GABBR2: variants seen among roughly 807,000 people sequenced by gnomAD.
The protein encoded by GABBR2 is gamma-aminobutyric acid type B receptor subunit 2.
A neutral mutation model predicts 105.6 loss-of-function variants in GABBR2; 23 were observed. That is an observed-to-expected ratio of 0.22 (90% CI 0.16 to 0.31). The LOEUF is 0.31. Ranked by LOEUF, GABBR2 falls within the 10% of genes least tolerant of loss-of-function variation. The pLI, the probability that GABBR2 is intolerant of heterozygous loss-of-function variation, is 1.00. For synonymous variants in GABBR2, 478 were observed against 499.7 expected, an observed-to-expected ratio of 0.96 and a Z score of 0.58; for missense variants, 734 against 1,245.5, an observed-to-expected ratio of 0.59 and a Z score of 6.18.
intron 7 of GABBR2, among the ~76,000 whole-genome samples, chr9:98,425,974 C>T (rs752183724): frequency 6.6e-6 from 1 of 152,024 alleles, no homozygotes. Flanking sequence ...TAGAAATGCA[C>T]GTAGTATGTA....
chr9:98,393,664 G>T (rs1832235405), intron 9 of GABBR2, among the ~76,000 whole-genome samples: 1 of 152,260 alleles, frequency 6.6e-6, no homozygotes, highest in South Asian at 2.1e-4. Context: ...AGTGACAGTG[G>T]CCATAAGAGA....
At chr9:98,566,826 A>C in intron 2 of GABBR2, among the ~76,000 whole-genome samples, 1 of 143,860 alleles carries the variant, frequency 7.0e-6, no homozygotes, top group South Asian at 2.2e-4. Flanking sequence ...AAAAAAGGCG[A>C]CAAAGAAAAA....
chr9:98,498,859 C>A (rs570287472), intron 3 of GABBR2, among the ~76,000 whole-genome samples: 1 of 152,216 alleles, frequency 6.6e-6, no homozygotes, highest in Non-Finnish European at 1.5e-5. Flanking sequence ...TTGAGCAGCA[C>A]GAGGTGTTGT....
intron 7 of GABBR2, among the ~76,000 whole-genome samples, chr9:98,413,882 G>A (rs899674058): frequency 3.9e-5 from 6 of 152,204 alleles, no homozygotes; most frequent in African/African-American, 1.4e-4. Flanking sequence ...AGAGAGTCAG[G>A]CTTATTTAGA....
chr9:98,648,973 T>C (rs997096278), intron 1 of GABBR2, among the ~76,000 whole-genome samples: 1 of 152,234 alleles, frequency 6.6e-6, no homozygotes, highest in Non-Finnish European at 1.5e-5. Flanking sequence ...TGATTCTTTT[T>C]AAATGGGTCA....
At chr9:98,497,261 T>C (rs1827299714) in intron 3 of GABBR2, among the ~76,000 whole-genome samples, 2 of 152,212 alleles carry the variant, frequency 1.3e-5, no homozygotes, top group South Asian at 4.1e-4. Context: ...AACAAGACCT[T>C]GTCTCAACAG....
intron 1 of GABBR2, among the ~76,000 whole-genome samples, chr9:98,670,215 A>G (rs7869915): frequency 0.81 from 123,427 of 151,890 alleles, 50,252 homozygotes; most frequent in Middle Eastern, 0.91. Context: ...ACTTTCTAGT[A>G]TATTCACACA....
chr9:98,406,111 T>C lies in GABBR2; in HGVS notation c.1267A>G (p.Met423Val), dbSNP rs1213678125. 6.3e-7 allele frequency: 1 copy of C among 1,585,102 alleles called. No individual in the cohort carries two copies. ...AATTGAGTAAATTTAATGGTCCCCA[T>C]TCTCTCCCCATTCCGGAATACAACT... ...GQVVFRNGER[M>V]GTIKFTQFQD... Residue 423 changes from methionine (M) to valine (V), a missense_variant, in exon 8 of 19, where the codon ATG becomes GTG. Met to Val is a conservative substitution (Grantham distance 21, BLOSUM62 1). Coordinates refer to ENST00000259455, the MANE Select transcript of GABBR2 (RefSeq NM_005458.8).
intron 13 of GABBR2, among the ~76,000 whole-genome samples, chr9:98,344,699 C>A (rs1385620426): frequency 3.9e-5 from 6 of 152,186 alleles, no homozygotes; most frequent in African/African-American, 9.6e-5. Flanking sequence ...CCTGGCTCGT[C>A]CTCCTGTGCG....
At chr9:98,300,401 T>C (rs115043880) in intron 16 of GABBR2, among the ~76,000 whole-genome samples, 2,556 of 152,206 alleles carry the variant, frequency 0.017, 74 homozygotes, top group African/African-American at 0.058. Context: ...CACTTTGTCC[T>C]CCCAAAGCGT....
At chr9:98,417,803 C>A (rs1469582727) in intron 7 of GABBR2, among the ~76,000 whole-genome samples, 1 of 151,986 alleles carries the variant, frequency 6.6e-6, no homozygotes, top group Non-Finnish European at 1.5e-5. Flanking sequence ...GCTGGCAGCA[C>A]AAAGGAAGGG....
intron 1 of GABBR2, among the ~76,000 whole-genome samples, chr9:98,587,701 C>T (rs1047459401): frequency 1.3e-5 from 2 of 152,102 alleles, no homozygotes; most frequent in Non-Finnish European, 2.9e-5. Flanking sequence ...TAATCAATAC[C>T]ATCTAAAATT....
chr9:98,528,817 T>C (rs1828010898), intron 3 of GABBR2, among the ~76,000 whole-genome samples: 1 of 151,134 alleles, frequency 6.6e-6, no homozygotes, highest in African/African-American at 2.5e-5. Context: ...TCCCGTATAC[T>C]GCTATGAAAC....
At chr9:98,503,805 TA>T (rs1827450937) in intron 3 of GABBR2, among the ~76,000 whole-genome samples, 1 of 152,140 alleles carries the variant, frequency 6.6e-6, no homozygotes, top group South Asian at 2.1e-4. Context: ...TGCCGTCACC[TA>T]AAGACTTTGG....
chr9:98,301,710 A>T (rs1830472239), intron 16 of GABBR2, among the ~76,000 whole-genome samples: 1 of 152,234 alleles, frequency 6.6e-6, no homozygotes, highest in South Asian at 2.1e-4. Context: ...TCCTAATGTG[A>T]CTGAACTCTT....
chr9:98,365,984 C>G (rs1448584871), intron 12 of GABBR2, among the ~76,000 whole-genome samples: 1 of 152,226 alleles, frequency 6.6e-6, no homozygotes, highest in East Asian at 1.9e-4. Context: ...ATGCAGTCCT[C>G]TCTCTGTGGG....
intron 2 of GABBR2, among the ~76,000 whole-genome samples, chr9:98,567,539 T>G (rs1467497766): frequency 1.3e-5 from 2 of 152,218 alleles, no homozygotes; most frequent in Non-Finnish European, 2.9e-5. Flanking sequence ...CAACTTTAGA[T>G]CTGAAGACAA....
chr9:98,329,764 T>G (rs1830990456), intron 13 of GABBR2, among the ~76,000 whole-genome samples: 1 of 152,150 alleles, frequency 6.6e-6, no homozygotes. Context: ...CACACCCTTG[T>G]GTATTCTCCT....
intron 1 of GABBR2, among the ~76,000 whole-genome samples, chr9:98,657,222 T>A (rs766395469): frequency 6.6e-6 from 1 of 152,214 alleles, no homozygotes; most frequent in Non-Finnish European, 1.5e-5. Context: ...GCTTTAAGTG[T>A]CAGCTGACAT....
Sources: allele counts gnomAD v4.1 joint callset (sites outside exome capture counted in the v4.1 genomes callset), GRCh38; gene constraint gnomAD v4.1.1; transcripts MANE v1.5; gene names NCBI Gene and HGNC (gene_info 2026-07-23, HGNC 2026-07-21).